Variants in ERC2 observed in about 807,000 individuals in gnomAD.
ERC2 encodes the protein ELKS/RAB6-interacting/CAST family member 2.
A neutral mutation model predicts 114.8 loss-of-function variants in ERC2; 42 were observed. The ratio of observed to expected loss-of-function variants is 0.37; its 90% CI spans 0.29 to 0.47. The LOEUF (loss-of-function observed/expected upper bound fraction) is 0.47. ERC2 is among the 20% of genes least tolerant of loss of function. The probability of loss-of-function intolerance (pLI) is 0.99; values close to 1 mark genes in which losing one functional copy is unlikely to be tolerated. For missense variants in ERC2, 939 were observed against 1,150.7 expected (o/e 0.82, Z 2.66); for synonymous variants, 454 against 425.5 (o/e 1.07, Z -0.82).
At chr3:56,232,247 A>G (rs2050674162) in intron 3 of ERC2, among the ~76,000 whole-genome samples, 1 of 150,402 alleles carries the variant, frequency 6.6e-6, no homozygotes, top group African/African-American at 2.4e-5. Context: ...GGGATTATGG[A>G]TGTAAGCCAC....
chr3:55,621,229 C>T (rs2059315971), intron 17 of ERC2, among the ~76,000 whole-genome samples: 1 of 151,982 alleles, frequency 6.6e-6, no homozygotes, highest in African/African-American at 2.4e-5. Flanking sequence ...GAGATAACAC[C>T]TCTTGAGACA....
intron 3 of ERC2, among the ~76,000 whole-genome samples, chr3:56,285,770 C>A (rs1254173665): frequency 6.6e-6 from 1 of 152,188 alleles, no homozygotes; most frequent in Non-Finnish European, 1.5e-5. Flanking sequence ...TACACAGTTT[C>A]TTTTTCAGGT....
intron 17 of ERC2, among the ~76,000 whole-genome samples, chr3:55,539,636 C>G (rs1168234647): frequency 6.6e-6 from 1 of 151,282 alleles, no homozygotes; most frequent in African/African-American, 2.4e-5. Flanking sequence ...ACCATGTTAG[C>G]CAGGATGGTC....
At chr3:55,642,295 C>T (rs12636171) in intron 17 of ERC2, among the ~76,000 whole-genome samples, 3 of 151,760 alleles carry the variant, frequency 2.0e-5, no homozygotes. Context: ...CTCTCTGGCT[C>T]CTACGCTTTC....
chr3:55,932,344 T>C (rs1468972289), intron 13 of ERC2, among the ~76,000 whole-genome samples: 2 of 152,210 alleles, frequency 1.3e-5, no homozygotes, highest in African/African-American at 4.8e-5. Flanking sequence ...GTTATTATTA[T>C]GACATCTATT....
chr3:55,632,166 T>G (rs2059782095), intron 17 of ERC2, among the ~76,000 whole-genome samples: 2 of 152,198 alleles, frequency 1.3e-5, no homozygotes, highest in Admixed American at 1.3e-4. Context: ...GTTCCCTCTA[T>G]GCACACCAGC....
At position 56,299,726 on chromosome 3, in the gene ERC2, G is replaced by A. The variant is rs192762231; in HGVS notation, c.658-3291C>T. Among the ~76,000 whole-genome samples, 177 of 152,248 alleles carry A rather than the reference G, an allele frequency of 1.2e-3. 1 individual carries two copies. Among genetic ancestry groups the A allele is most frequent in the South Asian group, 2.7e-3 (13 of 4,826 alleles). On this transcript the variant is annotated intron_variant, in intron 2 of 17. Coordinates refer to ENST00000288221, the MANE Select transcript of ERC2 (RefSeq NM_015576.3). ...ACTACACTTGTGAGCCACTGTGTCCGGCCGTCATTTAAATATTCTTGACCA... is the reference window on the plus strand; with the variant it reads ...ACTACACTTGTGAGCCACTGTGTCCAGCCGTCATTTAAATATTCTTGACCA...
At chr3:56,192,202 T>G (rs1301249004) in intron 3 of ERC2, among the ~76,000 whole-genome samples, 1 of 152,140 alleles carries the variant, frequency 6.6e-6, no homozygotes, top group Non-Finnish European at 1.5e-5. Flanking sequence ...CTGGGAGGGT[T>G]GGGCAGAATG....
chr3:55,773,650 T>C (rs1473367138), intron 14 of ERC2, among the ~76,000 whole-genome samples: 1 of 152,254 alleles, frequency 6.6e-6, no homozygotes, highest in South Asian at 2.1e-4. Flanking sequence ...GGAATGGTGC[T>C]GCGCACAAAG....
chr3:55,885,757 C>T (rs2063326193), intron 14 of ERC2, among the ~76,000 whole-genome samples: 1 of 152,130 alleles, frequency 6.6e-6, no homozygotes, highest in South Asian at 2.1e-4. Context: ...CTGATAGTGC[C>T]ATTTGCATAC....
chr3:56,205,452 T>C (rs1373466595), intron 3 of ERC2, among the ~76,000 whole-genome samples: 2 of 152,194 alleles, frequency 1.3e-5, no homozygotes, highest in African/African-American at 4.8e-5. Flanking sequence ...AGCATCTGAT[T>C]AATGTCTGTC....
In ERC2 at chr3:55,734,383, G is replaced by T. The variant is rs963791602; in HGVS notation, c.2712+388C>A. On this transcript the variant is annotated intron_variant, in intron 15 of 17. Transcript: ENST00000288221. ...TGAGGGCAATTCTTTACAGGGACCA[G>T]AAAATGAGCAAGACGGAAGGTAACA... Among the ~76,000 whole-genome samples the T allele has an allele frequency of 3.9e-5, 6 of 152,148 alleles. 1 individual carries two copies. The highest frequency in any genetic ancestry group is 8.8e-5 in the Non-Finnish European group (6 of 68,024).
intron 6 of ERC2, among the ~76,000 whole-genome samples, chr3:56,091,579 T>C (rs1404198054): frequency 6.6e-6 from 1 of 152,172 alleles, no homozygotes; most frequent in Non-Finnish European, 1.5e-5. Context: ...TTTCCCCTAA[T>C]GACCAGGTAG....
chr3:55,775,206 T>G (rs1053338217), intron 14 of ERC2, among the ~76,000 whole-genome samples: 5 of 152,054 alleles, frequency 3.3e-5, no homozygotes, highest in Non-Finnish European at 7.4e-5. Flanking sequence ...GCTTGCTTGA[T>G]GATGATAAAG....
Position 56,449,806 on chromosome 3 carries a change from C to T in ERC2, c.-140-14659G>A, listed in dbSNP as rs777582577. ...TACCTAGCACACAGCTAATGATCAA[C>T]AGAAGTTAACCTTGACAAGCCCAAA... On this transcript the variant is annotated intron_variant, in intron 1 of 17. Transcript: ENST00000288221. Among the ~76,000 whole-genome samples the T allele has an allele frequency of 6.6e-5, 10 of 152,332 alleles. No homozygotes were observed. The East Asian group carries it at 1.9e-3, about 29-fold the overall frequency.
At chr3:55,638,920 G>A (rs2060064170) in intron 17 of ERC2, among the ~76,000 whole-genome samples, 1 of 152,168 alleles carries the variant, frequency 6.6e-6, no homozygotes, top group Admixed American at 6.5e-5. Context: ...AGTGGAGATG[G>A]TGGACAGCAC....
chr3:55,658,970 C>T (rs1701356944), intron 17 of ERC2: 1 of 152,640 alleles, frequency 6.6e-6, no homozygotes, highest in Admixed American at 6.5e-5. Context: ...GTGAACCTTC[C>T]CGAGGCCCAC....
At chr3:55,965,048 T>C (rs940408091) in intron 12 of ERC2, among the ~76,000 whole-genome samples, 2 of 152,170 alleles carry the variant, frequency 1.3e-5, no homozygotes, top group Admixed American at 6.5e-5. Flanking sequence ...TGGTACTCCA[T>C]CACCTTTACC....
At chr3:55,555,846 C>T (rs139833899) in intron 17 of ERC2, among the ~76,000 whole-genome samples, 4 of 152,288 alleles carry the variant, frequency 2.6e-5, no homozygotes, top group Non-Finnish European at 5.9e-5. Flanking sequence ...TGCTGAAATC[C>T]GCGCTGCTCG....
Sources: gnomAD v4.1 joint callset for allele counts (sites outside exome capture counted in the v4.1 genomes callset) on GRCh38, gnomAD v4.1.1 for gene constraint, MANE v1.5 for transcripts, NCBI Gene and HGNC (gene_info 2026-07-23, HGNC 2026-07-21) for gene names.